Variants in RBFOX3 observed in about 807,000 individuals in gnomAD.
The protein encoded by RBFOX3 is RNA binding fox-1 homolog 3.
Under a neutral mutation model 48.7 loss-of-function variants are expected in RBFOX3, and 17 were observed. The ratio of observed to expected loss-of-function variants is 0.35; its 90% CI spans 0.24 to 0.52. RBFOX3 has a LOEUF of 0.52. Ranked by LOEUF, RBFOX3 falls within the 20% of genes least tolerant of loss-of-function variation. The pLI is 0.94. For synonymous variants in RBFOX3, 212 were observed against 209.5 expected (o/e 1.01, Z -0.10); for missense variants, 382 against 497.5 (o/e 0.77, Z 2.21).
At chr17:79,178,230 G>T (rs2051044013) in intron 4 of RBFOX3, among the ~76,000 whole-genome samples, 1 of 152,220 alleles carries the variant, frequency 6.6e-6, no homozygotes, top group Admixed American at 6.5e-5. Context: ...CCATGTGGAG[G>T]TTTCCGAGAC....
chr17:79,445,732 T>TCA (rs1437273610), intron 2 of RBFOX3, among the ~76,000 whole-genome samples: 2 of 152,100 alleles, frequency 1.3e-5, no homozygotes, highest in Non-Finnish European at 2.9e-5. Context: ...GCTCCCAGAG[T>TCA]CACAAGAAGC....
chr17:79,549,684 C>T (rs1186570640), intron 1 of RBFOX3, among the ~76,000 whole-genome samples: 1 of 152,056 alleles, frequency 6.6e-6, no homozygotes, highest in Non-Finnish European at 1.5e-5. Flanking sequence ...CAAAGGAAGG[C>T]ACAGCAGGTG....
At chr17:79,153,625 G>A (rs1318104340) in intron 4 of RBFOX3, among the ~76,000 whole-genome samples, 7 of 152,304 alleles carry the variant, frequency 4.6e-5, no homozygotes, top group South Asian at 2.1e-4. Flanking sequence ...TTTCCCATCC[G>A]GCTTTTTCTT....
At chr17:79,256,420 G>A (rs546569895) in intron 3 of RBFOX3, among the ~76,000 whole-genome samples, 159 of 152,302 alleles carry the variant, frequency 1.0e-3, no homozygotes, top group African/African-American at 3.7e-3. Context: ...ATGGCACCAC[G>A]CCACTCACTA....
At chr17:79,222,364 CCT>C (rs1477825147) in intron 4 of RBFOX3, among the ~76,000 whole-genome samples, 1 of 152,236 alleles carries the variant, frequency 6.6e-6, no homozygotes, top group Non-Finnish European at 1.5e-5. Flanking sequence ...AGTCTTGCAG[CCT>C]CTGTGGGCTG....
In RBFOX3 at chr17:79,212,758, G is replaced by A. The variant is rs536875411; in HGVS notation, c.-34+23008C>T. On this transcript the variant is annotated intron_variant, in intron 4 of 14. Coordinates refer to ENST00000693108, the MANE Select transcript of RBFOX3 (RefSeq NM_001350451.2). This position sits in a 1 kb window ranked among gnomAD's most constrained non-coding sequence, Gnocchi z 4.7. ...AGAAAAGCAGGCTGTGGGGAGGGGC[G>A]GGGAATGGGAGAAAGTGCCTGGCTC... is the stretch of plus-strand genomic sequence containing the variant. 7.7e-4 allele frequency among the ~76,000 whole-genome samples: 117 copies of A among 152,228 alleles called. No individual in the cohort carries two copies. Among genetic ancestry groups the A allele is most frequent in the African/African-American group, 2.3e-3 (97 of 41,524 alleles).
intron 10 of RBFOX3, 90 bp downstream of exon 10, chr17:79,097,602 C>T (rs2075607906): frequency 7.1e-7 from 1 of 1,412,852 alleles, no homozygotes; most frequent in Non-Finnish European, 9.6e-7. Context: ...CACCTGGCCC[C>T]GCCCCTCATG....
At chr17:79,476,192 G>C (rs2077721159) in intron 2 of RBFOX3, among the ~76,000 whole-genome samples, 1 of 152,210 alleles carries the variant, frequency 6.6e-6, no homozygotes, top group African/African-American at 2.4e-5. Flanking sequence ...ACATCTGGAA[G>C]CTCTTCTCAC....
rs572137706 is a variant in RBFOX3 at position 79,150,204 on chromosome 17, C to G, written c.-33-34456G>C. 8.8e-4 allele frequency among the ~76,000 whole-genome samples: 134 copies of G among 151,804 alleles called. 2 individuals carry two copies. The highest frequency in any genetic ancestry group is 3.1e-3 in the African/African-American group (129 of 41,376). ...AGCGGTGGGCGGCAGCTGTGGGCCA[C>G]GACCTAGAGCAGCAGCCACGTCCCA... On this transcript the variant is annotated intron_variant, in intron 4 of 14. Transcript: ENST00000693108.
chr17:79,305,958 G>T (rs1222572452), intron 3 of RBFOX3, among the ~76,000 whole-genome samples: 1 of 152,216 alleles, frequency 6.6e-6, no homozygotes, highest in Non-Finnish European at 1.5e-5. Context: ...GTGGATGGAG[G>T]CTGCCCAGAC....
chr17:79,175,633 C>G (rs1312336100), intron 4 of RBFOX3, among the ~76,000 whole-genome samples: 1 of 152,252 alleles, frequency 6.6e-6, no homozygotes, highest in Admixed American at 6.5e-5. Context: ...CCTGGCTCCC[C>G]AGTGCTCCCT....
At chr17:79,264,957 G>A (rs952632470) in intron 3 of RBFOX3, among the ~76,000 whole-genome samples, 2 of 142,796 alleles carry the variant, frequency 1.4e-5, no homozygotes, top group Admixed American at 1.4e-4. Context: ...GACCCTCAGT[G>A]CGAGAGGAGG....
rs568810213 is a variant in RBFOX3 at position 79,110,561 on chromosome 17, C to T, written c.223-3773G>A. ...TCCCTTCCTCGACAGCGCCGTCTCC[C>T]TTCGTTCCTCCAAAGACCTCCTAGG... On this transcript the variant is annotated intron_variant, in intron 5 of 14. Coordinates refer to ENST00000693108, the MANE Select transcript of RBFOX3 (RefSeq NM_001350451.2). 1.1e-4 allele frequency among the ~76,000 whole-genome samples: 17 copies of T among 152,342 alleles called. No individual in the cohort carries two copies. The South Asian group carries it at 2.5e-3, about 22-fold the overall frequency.
intron 2 of RBFOX3, among the ~76,000 whole-genome samples, chr17:79,447,949 C>A (rs767618791): frequency 2.0e-5 from 3 of 152,158 alleles, no homozygotes; most frequent in Non-Finnish European, 4.4e-5. Flanking sequence ...TGAGTTTACA[C>A]AAGACCCAGT....
intron 1 of RBFOX3, among the ~76,000 whole-genome samples, chr17:79,496,630 C>T (rs1030790279): frequency 6.6e-6 from 1 of 152,054 alleles, no homozygotes; most frequent in African/African-American, 2.4e-5. Flanking sequence ...GGACAGGAGG[C>T]AAACAGGGAC....
At chr17:79,607,130 C>T (rs912906910) in intron 1 of RBFOX3, among the ~76,000 whole-genome samples, 4 of 152,160 alleles carry the variant, frequency 2.6e-5, no homozygotes, top group Admixed American at 6.5e-5. Flanking sequence ...TTTATAAAGC[C>T]GGTGCCTTGT....
chr17:79,649,334 G>C, the RBFOX3 span, among the ~76,000 whole-genome samples: 1 of 152,234 alleles, frequency 6.6e-6, no homozygotes, highest in East Asian at 1.9e-4. Flanking sequence ...TTGTTTGTTA[G>C]CACAGAAGAA....
At position 79,174,971 on chromosome 17, in the gene RBFOX3, G is replaced by C. The variant is rs561178093; in HGVS notation, c.-33-59223C>G. Among the ~76,000 whole-genome samples the C allele has an allele frequency of 8.5e-5, 13 of 152,324 alleles. 1 individual carries two copies. In the East Asian group the frequency reaches 1.3e-3, roughly 16 times the overall value. On this transcript the variant is annotated intron_variant, in intron 4 of 14. Coordinates refer to ENST00000693108, the MANE Select transcript of RBFOX3 (RefSeq NM_001350451.2). ...CTCCTTCCCCTGCTTGCAGGCCTCA[G>C]CTCGGGGCCTCCTCTGCCCCTCTCC...
chr17:79,519,173 T>C (rs2085691692), intron 1 of RBFOX3, among the ~76,000 whole-genome samples: 1 of 152,202 alleles, frequency 6.6e-6, no homozygotes, highest in Non-Finnish European at 1.5e-5. Flanking sequence ...CAAAGGCCAG[T>C]TTCTATTCTG....
Sources: gnomAD v4.1 joint callset for allele counts (sites outside exome capture counted in the v4.1 genomes callset) on GRCh38, gnomAD v4.1.1 for gene constraint, Gnocchi (gnomAD v3.1) non-coding constraint, MANE v1.5 for transcripts, NCBI Gene and HGNC (gene_info 2026-07-23, HGNC 2026-07-21) for gene names.